TKFC: variants seen among roughly 807,000 people sequenced by gnomAD.
The protein encoded by TKFC is triokinase/FMN cyclase.
In TKFC, 46 loss-of-function variants were observed where a neutral mutation model predicts 61.0. The ratio of observed to expected loss-of-function variants is 0.75; its 90% CI spans 0.60 to 0.96. The LOEUF (loss-of-function observed/expected upper bound fraction) is 0.96. TKFC is among the 50% of genes least tolerant of loss of function. The pLI is 0.00. For synonymous variants in TKFC, 314 were observed against 330.1 expected (o/e 0.95, Z 0.53); for missense variants, 715 against 777.5 (o/e 0.92, Z 0.96).
At chr11:61,339,772 A>G (rs1377248460) in intron 5 of TKFC, among the ~76,000 whole-genome samples, 1 of 151,716 alleles carries the variant, frequency 6.6e-6, no homozygotes, top group East Asian at 1.9e-4. Flanking sequence ...GGCTGCAGCC[A>G]CCTCCTCACT....
chr11:61,346,373 C>G lies in TKFC; in HGVS notation c.1598C>G (p.Ala533Gly). The part of the protein sequence containing the change: ...AVKSAEAAAE[A>G]TKNMEAGAGR... ...CAGAGTGCCGAAGCTGCAGCCGAGG[C>G]CACCAAGAATATGGAAGCTGGAGCC... Residue 533 changes from alanine to glycine, a missense_variant, in exon 18 of 18, where the codon GCC becomes GGC. Transcript: ENST00000394900. The surrounding 1 kb of genome is among the most constrained non-coding windows in gnomAD (Gnocchi z 4.1). The G allele has an allele frequency of 6.2e-7, 1 of 1,612,768 alleles. No individual in the cohort carries two copies. Among genetic ancestry groups the G allele is most frequent in the Non-Finnish European group, 8.5e-7 (1 of 1,179,974 alleles).
chr11:61,337,929 C>T lies in TKFC; in HGVS notation c.4-12C>T. The stretch of plus-strand genomic sequence containing the variant: ...ACCACATTCTGACCTCCTTCTCACT[C>T]CTCCCTTGCAGACCTCCAAGAAGCT... On this transcript the variant is annotated splice_polypyrimidine_tract_variant and intron_variant, in intron 2 of 17. Coordinates refer to ENST00000394900, the MANE Select transcript of TKFC (RefSeq NM_015533.4). 1 of 1,594,744 alleles carries T rather than the reference C, an allele frequency of 6.3e-7. No homozygotes were observed.
downstream of TKFC, chr11:61,349,839 T>G: frequency 3.4e-6 from 2 of 584,068 alleles, no homozygotes; most frequent in East Asian, 2.9e-5. Flanking sequence ...TGAAGCCTGC[T>G]CTGTGGCGGG....
chr11:61,349,223 C>T lies in TKFC; in HGVS notation c.*2720C>T. On this transcript the variant is annotated 3_prime_UTR_variant, in exon 18 of 18. Coordinates refer to ENST00000394900, the MANE Select transcript of TKFC (RefSeq NM_015533.4). ...CTGAAGAAGAGCAACAGCTCAAGCT[C>T]TAGCATGGCACAGAACGCTAGGTTG... is the stretch of plus-strand genomic sequence containing the variant. 3.2e-6 allele frequency: 1 copy of T among 311,248 alleles called. No individual in the cohort carries two copies. Among genetic ancestry groups the T allele is most frequent in the Non-Finnish European group, 6.4e-6 (1 of 157,340 alleles). 19.3% of individuals were successfully genotyped at this position (311,248 alleles called of 1,614,324 possible). A position where few individuals can be genotyped will look rare whatever the true frequency, so the allele number is the denominator to read the frequency against.
In TKFC at chr11:61,348,599, C is replaced by T; in HGVS notation, c.*2096C>T. The stretch of plus-strand genomic sequence containing the variant: ...AGGTGATGGGGTTATGAGGGTGGAG[C>T]CCCAGAGAGCTCTCACGCCCTTTCC... On this transcript the variant is annotated 3_prime_UTR_variant, in exon 18 of 18. Coordinates refer to ENST00000394900, the MANE Select transcript of TKFC (RefSeq NM_015533.4). 1.1e-5 allele frequency: 7 copies of T among 665,214 alleles called. No individual in the cohort carries two copies. Among genetic ancestry groups the T allele is most frequent in the Non-Finnish European group, 1.3e-5 (7 of 537,180 alleles). The allele number at this position is 665,214 out of a possible 1,614,324, so 41.2% of individuals were successfully genotyped here.
chr11:61,343,722 C>A, intron 11 of TKFC, 134 bp from the exon 12 acceptor site: 1 of 1,320,612 alleles, frequency 7.6e-7, no homozygotes, highest in Non-Finnish European at 1.0e-6. Context: ...TCAGTCCATG[C>A]TTGTCGAGGT....
intron 3 of TKFC, among the ~76,000 whole-genome samples, chr11:61,338,410 C>T (rs1205366951): frequency 6.6e-6 from 1 of 152,096 alleles, no homozygotes; most frequent in African/African-American, 2.4e-5. Context: ...ACCCTCCAAG[C>T]CCAGCAGACC....
chr11:61,345,197 G>A (rs1857060074), intron 13 of TKFC, 63 bp from the exon 14 acceptor site: 2 of 1,385,218 alleles, frequency 1.4e-6, no homozygotes, highest in Non-Finnish European at 2.0e-6. Flanking sequence ...ATTGGTGCTG[G>A]CTGGAAGTCT....
At position 61,345,312 on chromosome 11, in the gene TKFC, G is replaced by C. The variant is rs768124796; in HGVS notation, c.1293G>C (p.Leu431=). 5 of 1,604,172 alleles carry C rather than the reference G, an allele frequency of 3.1e-6. No homozygotes were observed. The Middle Eastern group carries it at 5.0e-4, about 160-fold the overall frequency. The change falls in exon 14 of 18, where the codon CTG becomes CTC. Residue 431 remains leucine, a synonymous_variant. Coordinates refer to ENST00000394900, the MANE Select transcript of TKFC (RefSeq NM_015533.4). ...EGPPPASPAQ[L]LSKLSVLLLE... is the part of the protein sequence containing the mutation. ...CACCCCCTGCCAGCCCTGCCCAGCTGCTCTCCAAGTTGTCTGTCCTGCTCC... is the reference window on the plus strand; with the variant it reads ...CACCCCCTGCCAGCCCTGCCCAGCTCCTCTCCAAGTTGTCTGTCCTGCTCC...
intron 13 of TKFC, among the ~76,000 whole-genome samples, chr11:61,344,629 G>A (rs1857029555): frequency 6.6e-6 from 1 of 152,130 alleles, no homozygotes; most frequent in African/African-American, 2.4e-5. Flanking sequence ...CTCCCAAAGT[G>A]CTGAGATTAC....
intron 2 of TKFC, 49 bp from the exon 3 acceptor site, chr11:61,337,892 G>T (rs372891025): frequency 6.6e-7 from 1 of 1,516,946 alleles, no homozygotes; most frequent in Non-Finnish European, 8.9e-7. Context: ...CAGGATGGGG[G>T]TATCTGTACT....
Position 61,344,286 on chromosome 11 carries a change from G to A in TKFC, c.1240+13G>A, listed in dbSNP as rs750378709. 4.0e-5 allele frequency: 64 copies of A among 1,608,826 alleles called. No individual in the cohort carries two copies. The South Asian group carries it at 6.8e-4, about 17-fold the overall frequency. ...CGTGCGGCCAGAGGTTGGTGCCAGG[G>A]ACTTTGCCAAGTGAGGTCATTCACA... On this transcript the variant is annotated intron_variant, in intron 13 of 17. Coordinates refer to ENST00000394900, the MANE Select transcript of TKFC (RefSeq NM_015533.4).
At position 61,345,654 on chromosome 11, in the gene TKFC, TCA is replaced by T. The variant is rs1003569412; in HGVS notation, c.1452-57_1452-56del. The T allele has an allele frequency of 2.4e-4, 383 of 1,613,910 alleles. 2 individuals are homozygous for T. In the African/African-American group the frequency reaches 4.7e-3, roughly 20 times the overall value. On this transcript the variant is annotated intron_variant, in intron 15 of 17. Transcript: ENST00000394900. ...GCCCTGCCAGGCCCTAGCCCAACCC[TCA>T]GAGTGATTCCCTTGGTTCCCTATAG...
rs925113089 is a variant in TKFC at position 61,346,839 on chromosome 11, C to T, written c.*336C>T. 7 of 1,071,610 alleles carry T rather than the reference C, an allele frequency of 6.5e-6. No individual in the cohort carries two copies. Among genetic ancestry groups the T allele is most frequent in the Non-Finnish European group, 7.9e-6 (7 of 885,206 alleles). 66.4% of individuals were successfully genotyped at this position (1,071,610 alleles called of 1,614,324 possible). On this transcript the variant is annotated 3_prime_UTR_variant, in exon 18 of 18. Transcript: ENST00000394900. This position sits in a 1 kb window ranked among gnomAD's most constrained non-coding sequence, Gnocchi z 4.1. ...TGGCAATCCTAATTTGGTTTTAAGA[C>T]TCCCTGTGAAATGCTTTCCGCACCT...
chr11:61,352,999 CT>C, downstream of TKFC: 3 of 1,614,118 alleles, frequency 1.9e-6, no homozygotes, highest in Non-Finnish European at 2.5e-6. Context: ...TGAAGAAAAG[CT>C]TCTCATTAAT....
chr11:61,337,150 CT>C (rs1166959127), intron 2 of TKFC, among the ~76,000 whole-genome samples: 1 of 152,114 alleles, frequency 6.6e-6, no homozygotes, highest in Admixed American at 6.6e-5. Flanking sequence ...ATTGTTATCT[CT>C]TTTTTTATTT....
chr11:61,344,383 G>A lies in TKFC; in HGVS notation c.1240+110G>A, dbSNP rs865804502. 868 of 1,023,060 alleles carry A rather than the reference G, an allele frequency of 8.5e-4. 3 individuals are homozygous for A. In the African/African-American group the frequency reaches 0.015, roughly 18 times the overall value. 63.4% of individuals were successfully genotyped at this position (1,023,060 alleles called of 1,614,324 possible). On this transcript the variant is annotated intron_variant, in intron 13 of 17. Coordinates refer to ENST00000394900, the MANE Select transcript of TKFC (RefSeq NM_015533.4). The stretch of plus-strand genomic sequence containing the variant: ...CCTTTTTTTTTTTTTTTTTTTTTAA[G>A]AAGGAATCTCACTCTGTCGCTAGGC...
rs1020710821 is a variant in TKFC at position 61,346,238 on chromosome 11, C to T, written c.1576-113C>T. The stretch of plus-strand genomic sequence containing the variant: ...GACAGAGCAGAGGGTGCTGGCAGAG[C>T]CAGGGCAAGGGCGTGCAGGGCCAGG... On this transcript the variant is annotated intron_variant, in intron 17 of 17. Transcript: ENST00000394900. The surrounding 1 kb of genome is among the most constrained non-coding windows in gnomAD (Gnocchi z 4.1). 2.6e-6 allele frequency: 4 copies of T among 1,561,632 alleles called. No homozygotes were observed. The highest frequency in any genetic ancestry group is 3.4e-6 in the Non-Finnish European group (4 of 1,160,372).
intron 1 of TKFC, 83 bp from the exon 2 acceptor site, chr11:61,334,537 T>G: frequency 3.1e-6 from 2 of 650,488 alleles, no homozygotes; most frequent in Admixed American, 2.5e-5. Flanking sequence ...GGCAGCTCCC[T>G]AATTACTAGG....
Sources: gnomAD v4.1 joint callset for allele counts (sites outside exome capture counted in the v4.1 genomes callset) on GRCh38, gnomAD v4.1.1 for gene constraint, Gnocchi (gnomAD v3.1) non-coding constraint, MANE v1.5 for transcripts, NCBI Gene and HGNC (gene_info 2026-07-23, HGNC 2026-07-21) for gene names.